Variants in LRMDA observed in about 807,000 individuals in gnomAD.
LRMDA encodes the protein leucine-rich melanocyte differentiation-associated protein.
Under a neutral mutation model 29.8 loss-of-function variants are expected in LRMDA, and 18 were observed. The observed-to-expected ratio is 0.60, with a 90% CI of 0.42 to 0.90. The LOEUF (loss-of-function observed/expected upper bound fraction) is 0.90, where lower values mean the gene tolerates loss of function less well. Among genes scored for constraint, LRMDA ranks in the 40% least tolerant of loss-of-function variants. LRMDA has a pLI of 0.00. For missense variants in LRMDA, 273 were observed against 273.9 expected (o/e 1.00, Z 0.02); for synonymous variants, 125 against 109.4 (o/e 1.14, Z -0.89).
chr10:76,452,412 T>A (rs1321228539), intron 6 of LRMDA, among the ~76,000 whole-genome samples: 1 of 151,754 alleles, frequency 6.6e-6, no homozygotes, highest in Non-Finnish European at 1.5e-5. Context: ...AGAAAATCAC[T>A]GAAATGGAAT....
chr10:75,553,274 A>G (rs1840174510), intron 2 of LRMDA, among the ~76,000 whole-genome samples: 1 of 152,222 alleles, frequency 6.6e-6, no homozygotes, highest in Admixed American at 6.5e-5. Flanking sequence ...TTGTTCTATG[A>G]CAGCTTCAAA....
At position 75,971,253 on chromosome 10, in the gene LRMDA, T is replaced by C. The variant is rs73281434; in HGVS notation, c.132-64755T>C. Among the ~76,000 whole-genome samples the C allele has an allele frequency of 9.5e-3, 1,447 of 152,258 alleles. 33 individuals carry two copies. Among genetic ancestry groups the C allele is most frequent in the African/African-American group, 0.033 (1,369 of 41,550 alleles). The stretch of plus-strand genomic sequence containing the variant: ...CCCCATCAAGAAAAATGTCTTTTGT[T>C]CTTGGGGTAGCTATAGACAGCCTCC... On this transcript the variant is annotated intron_variant, in intron 2 of 6. Coordinates refer to ENST00000611255, the MANE Select transcript of LRMDA (RefSeq NM_001305581.2).
At chr10:75,578,467 C>A (rs1840540266) in intron 2 of LRMDA, among the ~76,000 whole-genome samples, 1 of 151,976 alleles carries the variant, frequency 6.6e-6, no homozygotes, top group African/African-American at 2.4e-5. Context: ...GACTTTAACA[C>A]CCCACTGTCA....
At chr10:76,416,337 G>T (rs1842014582) in intron 6 of LRMDA, among the ~76,000 whole-genome samples, 1 of 152,168 alleles carries the variant, frequency 6.6e-6, no homozygotes, top group South Asian at 2.1e-4. Context: ...ATATTTTTCA[G>T]AGATTTTAAA....
intron 6 of LRMDA, among the ~76,000 whole-genome samples, chr10:76,502,423 A>T (rs1564559743): frequency 6.6e-6 from 1 of 151,956 alleles, no homozygotes; most frequent in South Asian, 2.1e-4. Flanking sequence ...TGATAGAAGT[A>T]ACCTTGAATC....
intron 6 of LRMDA, among the ~76,000 whole-genome samples, chr10:76,404,881 G>A (rs1841886789): frequency 6.6e-6 from 1 of 152,160 alleles, no homozygotes; most frequent in Non-Finnish European, 1.5e-5. Flanking sequence ...GATACAAACA[G>A]GGAAAGGAGA....
chr10:76,325,630 A>G (rs1840824712), intron 6 of LRMDA, among the ~76,000 whole-genome samples: 1 of 152,188 alleles, frequency 6.6e-6, no homozygotes, highest in South Asian at 2.1e-4. Context: ...CCCTTAAATT[A>G]GCCTCATATC....
intron 2 of LRMDA, among the ~76,000 whole-genome samples, chr10:75,813,026 G>A (rs1331627398): frequency 6.6e-6 from 1 of 152,150 alleles, no homozygotes; most frequent in African/African-American, 2.4e-5. Flanking sequence ...AGAGTCCAGA[G>A]CTTCCTAGAT....
intron 5 of LRMDA, among the ~76,000 whole-genome samples, chr10:76,080,383 A>G (rs981619467): frequency 2.6e-5 from 4 of 152,288 alleles, no homozygotes; most frequent in African/African-American, 9.6e-5. Context: ...GGATGGTCCT[A>G]TATTATCCCT....
At chr10:75,942,393 T>C (rs1846407499) in intron 2 of LRMDA, among the ~76,000 whole-genome samples, 1 of 152,228 alleles carries the variant, frequency 6.6e-6, no homozygotes, top group Non-Finnish European at 1.5e-5. Flanking sequence ...ATTATTATCA[T>C]ATATTTTGGT....
In LRMDA at chr10:75,568,289, A is replaced by C. The variant is rs11001426; in HGVS notation, c.131+129795A>C. ...GTGTGTTAATAAATATTGTTGAATG[A>C]ATGTTGTTAGTGTAATGTAAGTTTT... On this transcript the variant is annotated intron_variant, in intron 2 of 6. Coordinates refer to ENST00000611255, the MANE Select transcript of LRMDA (RefSeq NM_001305581.2). Among the ~76,000 whole-genome samples the C allele has an allele frequency of 0.012, 1,793 of 152,286 alleles. 86 individuals are homozygous for C. In the East Asian group the frequency reaches 0.14, roughly 12 times the overall value.
Position 76,151,794 on chromosome 10 carries a change from A to G in LRMDA, c.516+93011A>G, listed in dbSNP as rs550657947. On this transcript the variant is annotated intron_variant, in intron 5 of 6. Coordinates refer to ENST00000611255, the MANE Select transcript of LRMDA (RefSeq NM_001305581.2). Reference sequence around the variant, plus strand: ...AACTTTTGTTTATTTACTAGTTTGCATTTCTTAAGTAGACAGTCATATTAT... The same window carrying G: ...AACTTTTGTTTATTTACTAGTTTGCGTTTCTTAAGTAGACAGTCATATTAT... Among the ~76,000 whole-genome samples, 579 of 152,282 alleles carry G rather than the reference A, an allele frequency of 3.8e-3. 4 individuals are homozygous for G. Among genetic ancestry groups the G allele is most frequent in the Middle Eastern group, 0.02 (6 of 294 alleles).
At chr10:75,460,575 A>T (rs1214465136) in intron 2 of LRMDA, among the ~76,000 whole-genome samples, 2 of 152,056 alleles carry the variant, frequency 1.3e-5, no homozygotes, top group Non-Finnish European at 2.9e-5. Flanking sequence ...ACTGCTTTTA[A>T]TTTTATTTTT....
At chr10:76,442,453 A>G (rs1842313655) in intron 6 of LRMDA, among the ~76,000 whole-genome samples, 1 of 152,164 alleles carries the variant, frequency 6.6e-6, no homozygotes, top group Non-Finnish European at 1.5e-5. Flanking sequence ...GCGCTTTGGG[A>G]GGCTTAGGCA....
At chr10:76,550,035 A>G (rs1843474636) in intron 6 of LRMDA, among the ~76,000 whole-genome samples, 1 of 152,242 alleles carries the variant, frequency 6.6e-6, no homozygotes, top group Non-Finnish European at 1.5e-5. Context: ...AGATGTAATC[A>G]GCACAATTTA....
chr10:76,305,778 C>T lies in LRMDA; in HGVS notation c.517-18623C>T, dbSNP rs115794523. 2.8e-3 allele frequency among the ~76,000 whole-genome samples: 433 copies of T among 151,998 alleles called. 1 individual carries two copies. The highest frequency in any genetic ancestry group is 9.6e-3 in the African/African-American group (397 of 41,438). ...GGAAATAGCTTCACACATATGTATA[C>T]GTTTAGATGAATGAAACTTTTGATG... On this transcript the variant is annotated intron_variant, in intron 5 of 6. Transcript: ENST00000611255.
chr10:76,278,249 A>T (rs1327906930), intron 5 of LRMDA, among the ~76,000 whole-genome samples: 1 of 152,130 alleles, frequency 6.6e-6, no homozygotes, highest in African/African-American at 2.4e-5. Context: ...TGTTTACCCA[A>T]CTCAAAGTAG....
intron 2 of LRMDA, chr10:75,882,681 C>T (rs1203435949): frequency 6.6e-6 from 1 of 152,270 alleles, no homozygotes; most frequent in African/African-American, 2.4e-5. Flanking sequence ...TAACAGAGGG[C>T]CTGGGGAGGA....
At chr10:76,178,639 A>T (rs558325107) in intron 5 of LRMDA, among the ~76,000 whole-genome samples, 1 of 152,196 alleles carries the variant, frequency 6.6e-6, no homozygotes, top group South Asian at 2.1e-4. Context: ...AATTTTGCCT[A>T]AGGCCAGCTC....
Sources: allele counts gnomAD v4.1 joint callset (sites outside exome capture counted in the v4.1 genomes callset), GRCh38; gene constraint gnomAD v4.1.1; transcripts MANE v1.5; gene names NCBI Gene and HGNC (gene_info 2026-07-23, HGNC 2026-07-21).